The following VAV1 variants were observed in gnomAD, a reference collection of about 807,000 sequenced individuals.
VAV1 encodes proto-oncogene vav.
Under a neutral mutation model 128.1 loss-of-function variants are expected in VAV1, and 33 were observed. That is an observed-to-expected ratio of 0.26 (90% confidence interval 0.20 to 0.34). VAV1 has a LOEUF of 0.34. VAV1 is among the 10% of genes least tolerant of loss of function. The pLI is 1.00. For missense variants in VAV1, 715 were observed against 1,093.7 expected (o/e 0.65, Z 4.88); for synonymous variants, 394 against 409.8 (o/e 0.96, Z 0.47).
At chr19:6,801,921 G>C (rs899957232) in intron 1 of VAV1, among the ~76,000 whole-genome samples, 1 of 152,150 alleles carries the variant, frequency 6.6e-6, no homozygotes, top group Admixed American at 6.5e-5. Flanking sequence ...GTGCGCCTGG[G>C]TGCTGATTTG....
chr19:6,810,306 G>A (rs1200196405), intron 1 of VAV1, among the ~76,000 whole-genome samples: 1 of 151,868 alleles, frequency 6.6e-6, no homozygotes, highest in South Asian at 2.1e-4. Flanking sequence ...CTTCAGCCTG[G>A]GCAACAGAGT....
chr19:6,786,118 TC>T (rs1465185389), intron 1 of VAV1, among the ~76,000 whole-genome samples: 1 of 152,204 alleles, frequency 6.6e-6, no homozygotes, highest in Non-Finnish European at 1.5e-5. Context: ...TTACCTGTTT[TC>T]CACACTCAAA....
At chr19:6,799,931 T>C (rs1311081904) in intron 1 of VAV1, among the ~76,000 whole-genome samples, 1 of 151,566 alleles carries the variant, frequency 6.6e-6, no homozygotes, top group Non-Finnish European at 1.5e-5. Flanking sequence ...TATGGACATG[T>C]GCTTTCATTT....
rs565542270 is a variant in VAV1, at chr19:6,804,885, G to A, written c.205-15817G>A. On this transcript the variant is annotated intron_variant, in intron 1 of 26. Transcript: ENST00000602142. Reference sequence around the variant, plus strand: ...ACTACAGGCGCCCGCCACCATGCCCGGCTAATTTTTTGTATTTTTAGTAGA... The same window carrying A: ...ACTACAGGCGCCCGCCACCATGCCCAGCTAATTTTTTGTATTTTTAGTAGA... 2.0e-5 allele frequency among the ~76,000 whole-genome samples: 3 copies of A among 151,632 alleles called. No individual in the cohort carries two copies. In the South Asian group the frequency reaches 6.3e-4, roughly 32 times the overall value.
At position 6,772,851 on chromosome 19, in the gene VAV1, G is replaced by T; in HGVS notation, c.44G>T (p.Arg15Leu). The T allele has an allele frequency of 6.2e-7, 1 of 1,614,044 alleles. No homozygotes were observed. Among genetic ancestry groups the T allele is most frequent in the Non-Finnish European group, 8.5e-7 (1 of 1,179,960 alleles). Residue 15 changes from arginine (R) to leucine (L), a missense_variant, in exon 1 of 27, where the codon CGG becomes CTG. Coordinates refer to ENST00000602142, the MANE Select transcript of VAV1 (RefSeq NM_005428.4). The surrounding 1 kb of genome is among the most constrained non-coding windows in gnomAD (Gnocchi z 4.8). ...TGCACCCACTGGCTCATCCAGTGCC[G>T]GGTGCTGCCGCCCAGCCACCGCGTG... Reference protein sequence around the residue: ...RQCTHWLIQCRVLPPSHRVTW... With the variant: ...RQCTHWLIQCLVLPPSHRVTW...
At chr19:6,802,729 G>C (rs1568293341) in intron 1 of VAV1, among the ~76,000 whole-genome samples, 1 of 152,178 alleles carries the variant, frequency 6.6e-6, no homozygotes, top group Non-Finnish European at 1.5e-5. Flanking sequence ...AGGCAGTGTT[G>C]TACAGAGGTT....
intron 1 of VAV1, among the ~76,000 whole-genome samples, chr19:6,815,663 T>C (rs1281469856): frequency 6.6e-6 from 1 of 152,172 alleles, no homozygotes; most frequent in Non-Finnish European, 1.5e-5. Flanking sequence ...AGCTATGGCA[T>C]AATGGTTACG....
chr19:6,846,982 C>T (rs1972538774), intron 22 of VAV1, among the ~76,000 whole-genome samples: 3 of 148,984 alleles, frequency 2.0e-5, no homozygotes, highest in Middle Eastern at 7.0e-3. Context: ...GGTGTGATCT[C>T]AGCTCACTGC....
intron 6 of VAV1, among the ~76,000 whole-genome samples, 170 bp from the exon 7 acceptor site, chr19:6,824,883 G>A (rs1016581136): frequency 2.0e-5 from 3 of 152,092 alleles, no homozygotes; most frequent in African/African-American, 4.8e-5. Flanking sequence ...GGTTGTTTCC[G>A]CTTTTGGGTT....
chr19:6,795,316 AT>A (rs1479608569), intron 1 of VAV1, among the ~76,000 whole-genome samples: 2 of 152,020 alleles, frequency 1.3e-5, no homozygotes, highest in African/African-American at 4.8e-5. Flanking sequence ...AATCAGGTTA[AT>A]GACCTACATG....
At chr19:6,833,868 T>A in intron 18 of VAV1, 40 bp from the exon 19 acceptor site, 2 of 1,614,134 alleles carry the variant, frequency 1.2e-6, no homozygotes, top group Non-Finnish European at 1.7e-6. Context: ...GCCCCCAGGC[T>A]GGGCATAGGT....
intron 1 of VAV1, among the ~76,000 whole-genome samples, chr19:6,799,298 G>C (rs141770459): frequency 1.1e-4 from 16 of 152,218 alleles, no homozygotes; most frequent in South Asian, 8.3e-4. Context: ...CTCTCGAACA[G>C]CTGGGACTAC....
chr19:6,850,537 T>G (rs1014704938), intron 23 of VAV1, 133 bp from the exon 24 acceptor site: 1 of 757,404 alleles, frequency 1.3e-6, no homozygotes, highest in Non-Finnish European at 2.2e-6. Context: ...TGGGCTCTGT[T>G]GGGACAGCTT....
At chr19:6,837,144 G>A (rs1972243465) in intron 21 of VAV1, 94 bp downstream of exon 21, 2 of 1,324,600 alleles carry the variant, frequency 1.5e-6, no homozygotes, top group East Asian at 2.3e-5. Flanking sequence ...CCGGAGTTGG[G>A]GAGGGGGCTG....
intron 24 of VAV1, 51 bp from the exon 25 acceptor site, chr19:6,852,914 C>G (rs375037873): frequency 3.8e-5 from 58 of 1,519,574 alleles, no homozygotes; most frequent in African/African-American, 2.5e-4. Context: ...GCTCTGCCCC[C>G]TTATGGGCTG....
In VAV1 at chr19:6,821,882, G is replaced by A. The variant is rs778941064; in HGVS notation, c.449+23G>A. 2.8e-5 allele frequency: 45 copies of A among 1,613,792 alleles called. No homozygotes were observed. The South Asian group carries it at 3.5e-4, about 13-fold the overall frequency. On this transcript the variant is annotated intron_variant, in intron 4 of 26. Transcript: ENST00000602142. The stretch of plus-strand genomic sequence containing the variant: ...CGAGTGAGTGCTCAGGCCTGTGGCC[G>A]CACAGCTCACTGGAGCACCGTCCTG...
chr19:6,849,266 C>G (rs73484457), intron 23 of VAV1, among the ~76,000 whole-genome samples: 1,601 of 146,822 alleles, frequency 0.011, 22 homozygotes, highest in Middle Eastern at 0.037. Flanking sequence ...AGTGCTCCCC[C>G]GAGTCTACTG....
Position 6,826,629 on chromosome 19 carries a change from G to A in VAV1, c.845G>A (p.Arg282His), listed in dbSNP as rs775175030. The A allele has an allele frequency of 3.5e-5, 55 of 1,555,930 alleles. No homozygotes were observed. Among genetic ancestry groups the A allele is most frequent in the African/African-American group, 2.0e-4 (15 of 73,370 alleles). ...CCCTGTAGGTTCCTCGTCTATGGCC[G>A]CTACTGCAGCCAGGTGGAGTCAGCC... The part of the protein sequence containing the change: ...KYKERFLVYG[R>H]YCSQVESASK... The change falls in exon 9 of 27, where the codon CGC becomes CAC. Residue 282 changes from arginine (R) to histidine (H), a missense_variant. Physicochemically the swap from Arg to His is conservative, Grantham distance 29 (BLOSUM62 0). This residue lies in a region of VAV1 where 302 missense variants were observed against 477.8 expected (regional missense o/e 0.63). Transcript: ENST00000602142. The surrounding 1 kb of genome is among the most constrained non-coding windows in gnomAD (Gnocchi z 4.1).
intron 23 of VAV1, 112 bp downstream of exon 23, chr19:6,848,226 T>G: frequency 1.1e-6 from 1 of 922,016 alleles, no homozygotes; most frequent in Admixed American, 3.2e-5. Flanking sequence ...GCATCCACCT[T>G]TTACTGAGCC....
Sources: allele counts gnomAD v4.1 joint callset (sites outside exome capture counted in the v4.1 genomes callset), GRCh38; gene constraint gnomAD v4.1.1; regional missense constraint gnomAD v4.1.1; non-coding constraint Gnocchi (gnomAD v3.1); transcripts MANE v1.5; gene names NCBI Gene and HGNC (gene_info 2026-07-23, HGNC 2026-07-21).